TBC1D22A: variants seen among roughly 807,000 people sequenced by gnomAD.
TBC1D22A encodes the protein TBC1 domain family member 22A, also known as putative GTPase activator.
TBC1D22A carries 38 observed loss-of-function variants against 60.2 expected under a neutral mutation model. The observed-to-expected ratio is 0.63, with a 90% CI of 0.49 to 0.83. TBC1D22A has a LOEUF of 0.83. Among genes scored for constraint, TBC1D22A ranks in the 40% least tolerant of loss-of-function variants. The pLI, the probability that TBC1D22A is intolerant of heterozygous loss-of-function variation, is 0.00. For missense variants in TBC1D22A, 628 were observed against 701.0 expected (o/e 0.90, Z 1.18); for synonymous variants, 302 against 281.7 (o/e 1.07, Z -0.72).
intron 1 of TBC1D22A, among the ~76,000 whole-genome samples, chr22:46,784,367 T>C (rs2084070682): frequency 6.6e-6 from 1 of 152,234 alleles, no homozygotes; most frequent in South Asian, 2.1e-4. Context: ...GGCTGGTTAA[T>C]ATACTTTTTT....
chr22:47,100,835 T>G (rs1297911175), intron 11 of TBC1D22A, among the ~76,000 whole-genome samples: 1 of 152,120 alleles, frequency 6.6e-6, no homozygotes, highest in African/African-American at 2.4e-5. Context: ...CTCCTCCCCT[T>G]CCCGCAGTAG....
intron 11 of TBC1D22A, among the ~76,000 whole-genome samples, chr22:47,062,601 C>G (rs1319809225): frequency 6.6e-6 from 1 of 152,114 alleles, no homozygotes; most frequent in East Asian, 1.9e-4. Flanking sequence ...CTATTCCTGT[C>G]ACGACATAAA....
chr22:47,052,429 A>G (rs115691268), intron 11 of TBC1D22A, among the ~76,000 whole-genome samples: 2,070 of 152,206 alleles, frequency 0.014, 43 homozygotes, highest in African/African-American at 0.047. Context: ...GGAGGCTGGG[A>G]AGAAAGATGG....
intron 11 of TBC1D22A, among the ~76,000 whole-genome samples, chr22:47,100,105 G>A (rs2065351277): frequency 6.6e-6 from 1 of 152,184 alleles, no homozygotes; most frequent in African/African-American, 2.4e-5. Context: ...AACCCAGCTG[G>A]GTGGCTTCCA....
chr22:47,053,193 G>A (rs4487), intron 11 of TBC1D22A, among the ~76,000 whole-genome samples: 79,427 of 151,484 alleles, frequency 0.52, 21,661 homozygotes, highest in East Asian at 0.96. Flanking sequence ...TGCTTCCTGC[G>A]TGTCCCCTCC....
chr22:46,885,906 G>T (rs948678518), intron 5 of TBC1D22A, among the ~76,000 whole-genome samples: 2 of 145,540 alleles, frequency 1.4e-5, no homozygotes, highest in Non-Finnish European at 3.0e-5. Context: ...GTTACTGTTA[G>T]AATTTTTTTT....
chr22:46,902,938 T>C (rs184874738), intron 7 of TBC1D22A, among the ~76,000 whole-genome samples: 591 of 150,858 alleles, frequency 3.9e-3, no homozygotes, highest in Non-Finnish European at 7.0e-3. Context: ...TCCTGCCGAC[T>C]GCATTCCAGG....
At chr22:47,027,230 A>C (rs114167740) in intron 10 of TBC1D22A, among the ~76,000 whole-genome samples, 2 of 152,256 alleles carry the variant, frequency 1.3e-5, no homozygotes, top group African/African-American at 4.8e-5. Flanking sequence ...GAAAATTCAC[A>C]TCAGAGGAAG....
intron 8 of TBC1D22A, chr22:46,915,735 G>A: frequency 2.2e-6 from 1 of 456,700 alleles, no homozygotes; most frequent in South Asian, 1.5e-5. Context: ...TCTTTCTGGG[G>A]ATGTGTGTTC....
chr22:46,952,682 A>T (rs2072979599), intron 8 of TBC1D22A, among the ~76,000 whole-genome samples: 1 of 152,180 alleles, frequency 6.6e-6, no homozygotes, highest in Non-Finnish European at 1.5e-5. Context: ...CTGGAGGCAG[A>T]GGCAGCATGC....
chr22:47,100,772 A>G (rs940725055), intron 11 of TBC1D22A, among the ~76,000 whole-genome samples: 1 of 152,118 alleles, frequency 6.6e-6, no homozygotes, highest in Non-Finnish European at 1.5e-5. Flanking sequence ...AGTCTCAGGT[A>G]TGTCTTTATC....
At chr22:47,089,057 G>A (rs553119041) in intron 11 of TBC1D22A, among the ~76,000 whole-genome samples, 1 of 152,246 alleles carries the variant, frequency 6.6e-6, no homozygotes, top group Admixed American at 6.5e-5. Context: ...TTCCACAAAA[G>A]CAGGACAGAG....
chr22:46,993,438 T>C (rs2075016271), intron 9 of TBC1D22A, among the ~76,000 whole-genome samples: 1 of 152,242 alleles, frequency 6.6e-6, no homozygotes, highest in African/African-American at 2.4e-5. Flanking sequence ...GGAAAGGACA[T>C]GCATACTTAC....
intron 11 of TBC1D22A, among the ~76,000 whole-genome samples, chr22:47,062,198 T>G (rs189831849): frequency 2.0e-5 from 3 of 151,950 alleles, no homozygotes; most frequent in Non-Finnish European, 4.4e-5. Context: ...GTGTGGACCC[T>G]GGACCAGCAG....
intron 12 of TBC1D22A, among the ~76,000 whole-genome samples, chr22:47,127,980 A>AC (rs2066529371): frequency 2.4e-4 from 3 of 12,250 alleles, no homozygotes; most frequent in East Asian, 7.8e-3. Flanking sequence ...CACCCCACCC[A>AC]TCCCCCCATC....
At chr22:47,061,217 G>A (rs1295498335) in intron 11 of TBC1D22A, among the ~76,000 whole-genome samples, 1 of 151,374 alleles carries the variant, frequency 6.6e-6, no homozygotes, top group Non-Finnish European at 1.5e-5. Context: ...CCTCACCACG[G>A]TCCTGGAAAC....
At chr22:46,881,009 T>A (rs997849157) in intron 5 of TBC1D22A, among the ~76,000 whole-genome samples, 53 of 152,074 alleles carry the variant, frequency 3.5e-4, no homozygotes, top group African/African-American at 1.2e-3. Flanking sequence ...TTGTTAGTGT[T>A]CTCTCTGCTA....
chr22:47,067,333 G>A (rs2063810265), intron 11 of TBC1D22A, among the ~76,000 whole-genome samples: 1 of 152,204 alleles, frequency 6.6e-6, no homozygotes, highest in Non-Finnish European at 1.5e-5. Context: ...GAGAACCATT[G>A]TAAATTCCAG....
At chr22:46,947,304 T>C (rs1315709718) in intron 8 of TBC1D22A, among the ~76,000 whole-genome samples, 1 of 152,078 alleles carries the variant, frequency 6.6e-6, no homozygotes, top group Non-Finnish European at 1.5e-5. Context: ...ATGTGTGAAG[T>C]CGAATGGCTA....
Sources: gnomAD v4.1 joint callset for allele counts (sites outside exome capture counted in the v4.1 genomes callset) on GRCh38, gnomAD v4.1.1 for gene constraint, MANE v1.5 for transcripts, NCBI Gene and HGNC (gene_info 2026-07-23, HGNC 2026-07-21) for gene names.